Variants in RAD23B observed in about 807,000 individuals in gnomAD.
RAD23B encodes lysine-specific demethylase RAD23B.
Under a neutral mutation model 49.1 loss-of-function variants are expected in RAD23B, and 5 were observed. That is an observed-to-expected ratio of 0.10 (90% CI 0.05 to 0.21). The LOEUF (loss-of-function observed/expected upper bound fraction) is 0.21, where lower values mean the gene tolerates loss of function less well. Ranked by LOEUF, RAD23B falls within the 10% of genes least tolerant of loss-of-function variation. The pLI is 1.00. For missense variants in RAD23B, 356 were observed against 486.7 expected (o/e 0.73, Z 2.53); for synonymous variants, 184 against 165.4 (o/e 1.11, Z -0.86).
At chr9:107,290,667 A>G (rs1344098417) in intron 1 of RAD23B, among the ~76,000 whole-genome samples, 1 of 152,260 alleles carries the variant, frequency 6.6e-6, no homozygotes, top group Non-Finnish European at 1.5e-5. Context: ...AGGTGAGATC[A>G]TGGGCATGGA....
chr9:107,307,573 A>T (rs562754153), intron 4 of RAD23B, among the ~76,000 whole-genome samples: 1 of 152,356 alleles, frequency 6.6e-6, no homozygotes, highest in East Asian at 1.9e-4. Context: ...TCAGAATCAG[A>T]CACAGTGGAA....
chr9:107,323,791 T>A, intron 7 of RAD23B, 99 bp from the exon 8 acceptor site: 1 of 1,131,116 alleles, frequency 8.8e-7, no homozygotes, highest in Non-Finnish European at 1.3e-6. Flanking sequence ...ACTCAAATCA[T>A]TTTTTCTTTG....
intron 4 of RAD23B, among the ~76,000 whole-genome samples, chr9:107,308,596 C>G (rs1007956781): frequency 6.6e-6 from 1 of 152,204 alleles, no homozygotes; most frequent in Non-Finnish European, 1.5e-5. Context: ...GTTATCTTTT[C>G]AGACCTTTTC....
chr9:107,287,601 G>A (rs956831721), intron 1 of RAD23B, among the ~76,000 whole-genome samples: 6 of 152,034 alleles, frequency 3.9e-5, no homozygotes, highest in East Asian at 1.9e-4. Flanking sequence ...TTGGGAAGCC[G>A]AGGCGGGTGG....
chr9:107,331,844 T>C lies in RAD23B; in HGVS notation c.*2188T>C. 1.6e-6 allele frequency: 1 copy of C among 615,994 alleles called. No homozygotes were observed. Among genetic ancestry groups the C allele is most frequent in the South Asian group, 2.1e-5 (1 of 46,882 alleles). The allele number at this position is 615,994 out of a possible 1,614,324, so 38.2% of individuals were successfully genotyped here. On this transcript the variant is annotated 3_prime_UTR_variant, in exon 10 of 10. Coordinates refer to ENST00000358015, the MANE Select transcript of RAD23B (RefSeq NM_002874.5). ...TCCATACAGTACCTTGTTTATCTGCTTCTTAAAGAATCAGCCGAGACACCA... is the reference window on the plus strand; with the variant it reads ...TCCATACAGTACCTTGTTTATCTGCCTCTTAAAGAATCAGCCGAGACACCA...
chr9:107,289,171 A>C (rs1390779206), intron 1 of RAD23B, among the ~76,000 whole-genome samples: 43 of 101,544 alleles, frequency 4.2e-4, no homozygotes, highest in South Asian at 6.3e-4. Flanking sequence ...TTCCTTCCCC[A>C]CTCCTTTCCC....
At chr9:107,297,612 A>G (rs1826554520) in intron 1 of RAD23B, among the ~76,000 whole-genome samples, 1 of 152,180 alleles carries the variant, frequency 6.6e-6, no homozygotes, top group Non-Finnish European at 1.5e-5. Flanking sequence ...GTATGGGATT[A>G]CAGGCGTGAA....
rs1827036614 is a variant in RAD23B at position 107,318,371 on chromosome 9, C to T, written c.554-381C>T. ...ACATCTCTCATCCTGGTTTTGTCTC[C>T]TCCTCCTCACACCTGTTTCTCTGAC... is the stretch of plus-strand genomic sequence containing the variant. On this transcript the variant is annotated intron_variant, in intron 5 of 9. Coordinates refer to ENST00000358015, the MANE Select transcript of RAD23B (RefSeq NM_002874.5). The surrounding 1 kb of genome is among the most constrained non-coding windows in gnomAD (Gnocchi z 4.3). 6.6e-6 allele frequency among the ~76,000 whole-genome samples: 1 copy of T among 152,184 alleles called. No homozygotes were observed. The highest frequency in any genetic ancestry group is 2.1e-4 in the South Asian group (1 of 4,834).
At chr9:107,302,197 A>C (rs1826669401) in intron 3 of RAD23B, 83 bp downstream of exon 3, 1 of 1,580,008 alleles carries the variant, frequency 6.3e-7, no homozygotes, top group Non-Finnish European at 8.6e-7. Flanking sequence ...CAATGGACAC[A>C]GTTTATACAC....
chr9:107,328,577 G>A (rs1187639977), intron 9 of RAD23B, among the ~76,000 whole-genome samples: 1 of 152,194 alleles, frequency 6.6e-6, no homozygotes. Flanking sequence ...AACAGGAGAC[G>A]GAGCTCAGGT....
intron 1 of RAD23B, among the ~76,000 whole-genome samples, chr9:107,286,967 TG>T (rs1451788150): frequency 2.0e-5 from 3 of 150,994 alleles, no homozygotes; most frequent in Non-Finnish European, 4.4e-5. Context: ...CCCAGCTACT[TG>T]GGAGGCTGAG....
chr9:107,298,329 T>G (rs991249960), intron 1 of RAD23B, among the ~76,000 whole-genome samples: 2 of 152,106 alleles, frequency 1.3e-5, no homozygotes, highest in African/African-American at 4.8e-5. Flanking sequence ...TTATTTATTT[T>G]TTAAGGCAGA....
chr9:107,294,068 G>A (rs573692950), intron 1 of RAD23B, among the ~76,000 whole-genome samples: 4 of 152,176 alleles, frequency 2.6e-5, no homozygotes, highest in Non-Finnish European at 4.4e-5. Context: ...CTAGAATAGT[G>A]CCAGTGCCAC....
intron 1 of RAD23B, among the ~76,000 whole-genome samples, chr9:107,295,971 G>C (rs1235963387): frequency 6.6e-6 from 1 of 152,162 alleles, no homozygotes; most frequent in Non-Finnish European, 1.5e-5. Flanking sequence ...AGAGACTCTA[G>C]GGACCAAGTC....
intron 1 of RAD23B, chr9:107,284,200 G>A: frequency 1.0e-6 from 1 of 985,776 alleles, no homozygotes; most frequent in South Asian, 4.7e-5. Context: ...GAGTGGTGGT[G>A]AAAATGAATT....
Position 107,322,092 on chromosome 9 carries a change from C to T in RAD23B, c.791C>T (p.Ala264Val). 1 of 1,608,134 alleles carries T rather than the reference C, an allele frequency of 6.2e-7. No homozygotes were observed. The highest frequency in any genetic ancestry group is 2.2e-5 in the East Asian group (1 of 44,560). ...GCTGCAGCTGCAGCAACTACGACAG[C>T]AACAACTACAACAACAAGTTCTGGA... is the stretch of plus-strand genomic sequence containing the variant. The part of the protein sequence containing the change: ...AVAAAAATTT[A>V]TTTTTSSGGH... Residue 264 changes from alanine (A) to valine (V), a missense_variant, in exon 7 of 10, where the codon GCA becomes GTA. This residue lies in a region of RAD23B where 148 missense variants were observed against 231.7 expected (regional missense o/e 0.64). Coordinates refer to ENST00000358015, the MANE Select transcript of RAD23B (RefSeq NM_002874.5).
intron 1 of RAD23B, among the ~76,000 whole-genome samples, chr9:107,290,023 T>G (rs1833349660): frequency 6.6e-6 from 1 of 152,216 alleles, no homozygotes; most frequent in South Asian, 2.1e-4. Context: ...AATTGGGTCC[T>G]TAGTATGCAG....
At chr9:107,305,336 AT>A (rs1826740757) in intron 3 of RAD23B, among the ~76,000 whole-genome samples, 1 of 152,116 alleles carries the variant, frequency 6.6e-6, no homozygotes, top group African/African-American at 2.4e-5. Flanking sequence ...GAGAGAGAAT[AT>A]TTTTAGTGTT....
At chr9:107,302,189 A>G (rs935352195) in intron 3 of RAD23B, 75 bp downstream of exon 3, 126 of 1,595,192 alleles carry the variant, frequency 7.9e-5, no homozygotes, top group Non-Finnish European at 1.0e-4. Flanking sequence ...AGTCCACACA[A>G]TGGACACAGT....
Sources: gnomAD v4.1 joint callset for allele counts (sites outside exome capture counted in the v4.1 genomes callset) on GRCh38, gnomAD v4.1.1 for gene constraint, gnomAD v4.1.1 regional missense constraint, Gnocchi (gnomAD v3.1) non-coding constraint, MANE v1.5 for transcripts, NCBI Gene and HGNC (gene_info 2026-07-23, HGNC 2026-07-21) for gene names.